Variants in PACS2 observed in about 807,000 individuals in gnomAD.
The protein encoded by PACS2 is PACS1-like protein.
Under a neutral mutation model 113.0 loss-of-function variants are expected in PACS2, and 36 were observed. The observed-to-expected ratio is 0.32, with a 90% confidence interval of 0.24 to 0.42. The LOEUF (loss-of-function observed/expected upper bound fraction) is 0.42. PACS2 is among the 10% of genes least tolerant of loss of function. The probability of loss-of-function intolerance (pLI) is 1.00; values close to 1 mark genes in which losing one functional copy is unlikely to be tolerated. For synonymous variants in PACS2, 589 were observed against 536.1 expected (o/e 1.10, Z -1.36); for missense variants, 1,015 against 1,239.5 (o/e 0.82, Z 2.72).
rs1262208640 is a variant in PACS2 at position 105,384,354 on chromosome 14, C to T, written c.1782C>T (p.Gly594=). 9 of 1,598,128 alleles carry T rather than the reference C, an allele frequency of 5.6e-6. No individual in the cohort carries two copies. In the Admixed American group the frequency reaches 8.3e-5, roughly 15 times the overall value. The part of the protein sequence containing the change: ...GYMRFLVIPL[G]SHPVARYLGS... ...ACCAGCCCCACCCCTGGCATGCAGG[C>T]TCCCACCCCGTGGCCAGGTACCTAG... Residue 594 remains glycine (G), a splice_region_variant and synonymous_variant, in exon 17 of 25, where the codon GGC becomes GGT. Coordinates refer to ENST00000447393, the MANE Select transcript of PACS2 (RefSeq NM_001100913.3).
chr14:105,325,168 A>T (rs985154414), intron 1 of PACS2, among the ~76,000 whole-genome samples: 2 of 85,714 alleles, frequency 2.3e-5, no homozygotes, highest in Non-Finnish European at 4.2e-5. Flanking sequence ...GGGTGGTGGG[A>T]CGGGGGGGGG....
chr14:105,352,186 G>T (rs2060204434), intron 2 of PACS2, among the ~76,000 whole-genome samples, 192 bp from the exon 3 acceptor site: 1 of 152,136 alleles, frequency 6.6e-6, no homozygotes, highest in Non-Finnish European at 1.5e-5. Context: ...GGGCCGAAGG[G>T]TCTCCATGTT....
intron 2 of PACS2, among the ~76,000 whole-genome samples, chr14:105,349,800 C>T (rs12884612): frequency 2.6e-5 from 4 of 151,748 alleles, no homozygotes; most frequent in South Asian, 4.1e-4. Context: ...CTTCCAGGAG[C>T]GTGTGGCTAA....
intron 1 of PACS2, among the ~76,000 whole-genome samples, chr14:105,316,318 C>G (rs1479749951): frequency 1.3e-5 from 2 of 152,256 alleles, no homozygotes; most frequent in Non-Finnish European, 2.9e-5. Flanking sequence ...TGGGAAGTCT[C>G]TGGGGCCTCA....
In PACS2 at chr14:105,380,078, A is replaced by G; in HGVS notation, c.1051-2A>G. The G allele has an allele frequency of 6.4e-7, 1 of 1,552,042 alleles. No individual in the cohort carries two copies. The highest frequency in any genetic ancestry group is 1.2e-5 in the South Asian group (1 of 84,142). ...AGCTGATTCCCATCTCCTCCCCCAC[A>G]GGCTGACGTGCCCGAGAAGACGCGG... On this transcript the variant is annotated splice_acceptor_variant, in intron 10 of 24. Coordinates refer to ENST00000447393, the MANE Select transcript of PACS2 (RefSeq NM_001100913.3). LOFTEE classifies it high-confidence loss of function.
At chr14:105,353,675 C>A (rs943781731) in intron 3 of PACS2, among the ~76,000 whole-genome samples, 2 of 151,946 alleles carry the variant, frequency 1.3e-5, no homozygotes, top group African/African-American at 4.8e-5. Context: ...CTCACTGCAA[C>A]CTCCACCTCC....
chr14:105,307,177 T>C (rs761694367), intron 1 of PACS2, among the ~76,000 whole-genome samples: 1 of 152,124 alleles, frequency 6.6e-6, no homozygotes, highest in Middle Eastern at 3.4e-3. Context: ...CCCAAAGTAC[T>C]GAGATCCCAG....
At chr14:105,318,652 TTTTTA>T (rs1212973163) in intron 1 of PACS2, among the ~76,000 whole-genome samples, 1 of 149,802 alleles carries the variant, frequency 6.7e-6, no homozygotes, top group Non-Finnish European at 1.5e-5. Context: ...TATTTATTTA[TTTTTA>T]TTTTATTTTA....
intron 3 of PACS2, among the ~76,000 whole-genome samples, chr14:105,352,965 G>C (rs2060265936): frequency 2.3e-5 from 3 of 130,510 alleles, no homozygotes; most frequent in South Asian, 2.5e-4. Context: ...GGGGAGACGG[G>C]CACCCCTCAT....
intron 1 of PACS2, among the ~76,000 whole-genome samples, chr14:105,344,877 G>A (rs2059861373): frequency 6.6e-6 from 1 of 152,144 alleles, no homozygotes; most frequent in African/African-American, 2.4e-5. Flanking sequence ...GGAGGCCGAG[G>A]TGGGTGGATC....
At chr14:105,351,345 G>A (rs2060171124) in intron 2 of PACS2, among the ~76,000 whole-genome samples, 1 of 152,224 alleles carries the variant, frequency 6.6e-6, no homozygotes, top group African/African-American at 2.4e-5. Flanking sequence ...TATCCATTTA[G>A]CAGGTGCGTG....
intron 1 of PACS2, among the ~76,000 whole-genome samples, chr14:105,342,854 G>A (rs2140971798): frequency 6.6e-6 from 1 of 150,714 alleles, no homozygotes; most frequent in African/African-American, 2.4e-5. Context: ...TGAATTGCTT[G>A]AACCCGGGAG....
At chr14:105,385,031 C>T in intron 18 of PACS2, 44 bp downstream of exon 18, 4 of 1,246,958 alleles carry the variant, frequency 3.2e-6, no homozygotes, top group Non-Finnish European at 4.6e-6. Context: ...CTGCCGCCAG[C>T]CACCAACCCT....
At chr14:105,367,960 G>T (rs889792660) in intron 5 of PACS2, 114 bp from the exon 6 acceptor site, 3 of 737,582 alleles carry the variant, frequency 4.1e-6, no homozygotes, top group Non-Finnish European at 7.4e-6. Flanking sequence ...GTCCTGCATG[G>T]ATCCACCTCC....
chr14:105,311,842 C>T (rs1389117978), upstream of PACS2, among the ~76,000 whole-genome samples: 1 of 152,240 alleles, frequency 6.6e-6, no homozygotes, highest in East Asian at 1.9e-4. Context: ...ACCATTCCTC[C>T]TCAGCCTCAG....
chr14:105,363,356 GT>G (rs144332621), intron 4 of PACS2, among the ~76,000 whole-genome samples: 5,397 of 152,256 alleles, frequency 0.035, 350 homozygotes, highest in African/African-American at 0.12. Flanking sequence ...GTTGTTTAGT[GT>G]TAGCCACCTT....
At chr14:105,319,312 T>C (rs1232400508) in intron 1 of PACS2, among the ~76,000 whole-genome samples, 1 of 152,242 alleles carries the variant, frequency 6.6e-6, no homozygotes, top group Non-Finnish European at 1.5e-5. Flanking sequence ...TTTAACTCTG[T>C]AGAGCAGGTT....
At position 105,380,982 on chromosome 14, in the gene PACS2, C is replaced by T. The variant is rs1555411853; in HGVS notation, c.1151C>T (p.Pro384Leu). The change falls in exon 12 of 25, where the codon CCT (proline) becomes CTT (leucine). Residue 384 changes from proline to leucine, a missense_variant. Pro to Leu is a moderately conservative substitution (Grantham distance 98). Around this residue, in one of 3 missense-constraint regions of PACS2, gnomAD observed 859 missense variants for 1,056.8 expected, o/e 0.81. Transcript: ENST00000447393. ...ALGVPGPREH[P>L]GQPEDSPEAE... ...GGTGTGCCAGGCCCGAGGGAGCACC[C>T]TGGACAGCCTGAGGACAGCCCCGAG... The T allele has an allele frequency of 6.2e-7, 1 of 1,612,264 alleles. No homozygotes were observed. Among genetic ancestry groups the T allele is most frequent in the African/African-American group, 1.3e-5 (1 of 75,056 alleles).
chr14:105,377,126 G>A (rs1201209304), intron 9 of PACS2, among the ~76,000 whole-genome samples: 6 of 152,224 alleles, frequency 3.9e-5, no homozygotes, highest in Non-Finnish European at 8.8e-5. Context: ...CACTGAGCCA[G>A]GCAGCTTTCC....
Sources: allele counts gnomAD v4.1 joint callset (sites outside exome capture counted in the v4.1 genomes callset), GRCh38; gene constraint gnomAD v4.1.1; regional missense constraint gnomAD v4.1.1; transcripts MANE v1.5; gene names NCBI Gene and HGNC (gene_info 2026-07-23, HGNC 2026-07-21).